The following LRRC20 variants were observed in gnomAD, a reference collection of about 807,000 sequenced individuals.
LRRC20 encodes the protein leucine-rich repeat-containing protein 20.
A neutral mutation model predicts 14.4 loss-of-function variants in LRRC20; 11 were observed. The ratio of observed to expected loss-of-function variants is 0.77; its 90% confidence interval spans 0.48 to 1.27. The LOEUF is 1.27. Among genes scored for constraint, LRRC20 ranks in the 50% most tolerant of loss-of-function variants. The pLI, the probability that LRRC20 is intolerant of heterozygous loss-of-function variation, is 0.00. For synonymous variants in LRRC20, 121 were observed against 107.3 expected (o/e 1.13, Z -0.79); for missense variants, 219 against 251.2 (o/e 0.87, Z 0.87).
intron 1 of LRRC20, among the ~76,000 whole-genome samples, chr10:70,379,660 G>C (rs1844635832): frequency 6.6e-6 from 1 of 152,190 alleles, no homozygotes; most frequent in South Asian, 2.1e-4. Context: ...AGCAGAGAGG[G>C]AAAGGAAGGG....
intron 3 of LRRC20, among the ~76,000 whole-genome samples, chr10:70,327,903 G>A (rs1159039563): frequency 1.3e-5 from 2 of 152,154 alleles, no homozygotes; most frequent in African/African-American, 2.4e-5. Context: ...CTCCCTAAGA[G>A]AAGCAGGCCA....
intron 4 of LRRC20, among the ~76,000 whole-genome samples, chr10:70,303,373 C>G (rs1398156061): frequency 6.6e-6 from 1 of 152,098 alleles, no homozygotes; most frequent in Non-Finnish European, 1.5e-5. Context: ...TATCAGGACT[C>G]CTGATAATGT....
At chr10:70,381,130 C>A (rs1163911352) in intron 1 of LRRC20, among the ~76,000 whole-genome samples, 1 of 152,208 alleles carries the variant, frequency 6.6e-6, no homozygotes, top group African/African-American at 2.4e-5. Flanking sequence ...GCAGCCTAAT[C>A]CATAGTTTTG....
In LRRC20 at chr10:70,352,024, G is replaced by A. The variant is rs558141570; in HGVS notation, c.83-11322C>T. ...TCTCAAGTTAGTTATATTATAGGGT[G>A]TACTTAGTAAGCATATTTAGGTGAA... On this transcript the variant is annotated intron_variant, in intron 2 of 4. Coordinates refer to ENST00000446961, the MANE Select transcript of LRRC20 (RefSeq NM_001278212.2). Among the ~76,000 whole-genome samples, 7 of 152,266 alleles carry A rather than the reference G, an allele frequency of 4.6e-5. No homozygotes were observed. In the South Asian group the frequency reaches 1.2e-3, roughly 27 times the overall value.
At chr10:70,363,628 C>T (rs1207249516) in intron 2 of LRRC20, among the ~76,000 whole-genome samples, 1 of 152,186 alleles carries the variant, frequency 6.6e-6, no homozygotes, top group Non-Finnish European at 1.5e-5. Flanking sequence ...AAAGAATTAT[C>T]CAGCTCAAAA....
intron 3 of LRRC20, among the ~76,000 whole-genome samples, chr10:70,337,276 T>G (rs921648988): frequency 6.6e-6 from 1 of 152,206 alleles, no homozygotes; most frequent in Admixed American, 6.5e-5. Context: ...GCTTTTCTAT[T>G]TGAAAGAGAA....
At chr10:70,372,977 G>A (rs1312556687) in intron 2 of LRRC20, among the ~76,000 whole-genome samples, 1 of 151,928 alleles carries the variant, frequency 6.6e-6, no homozygotes, top group Non-Finnish European at 1.5e-5. Context: ...AGCCAGGCAT[G>A]GTGGCACACA....
At chr10:70,372,602 C>T (rs1297386007) in intron 2 of LRRC20, among the ~76,000 whole-genome samples, 5 of 151,976 alleles carry the variant, frequency 3.3e-5, no homozygotes, top group East Asian at 3.9e-4. Flanking sequence ...CCACCACGCC[C>T]GGCTAATTTT....
At chr10:70,302,043 GTGGCTCACGCCTGTAATCC>G (rs1318444041) in intron 4 of LRRC20, among the ~76,000 whole-genome samples, 1 of 152,198 alleles carries the variant, frequency 6.6e-6, no homozygotes, top group Non-Finnish European at 1.5e-5. Flanking sequence ...GCCAGTCGTG[GTGGCTCACGCCTGTAATCC>G]CAGCACTTTG....
chr10:70,344,023 A>T (rs2137032632), intron 2 of LRRC20, among the ~76,000 whole-genome samples: 1 of 152,118 alleles, frequency 6.6e-6, no homozygotes, highest in East Asian at 1.9e-4. Flanking sequence ...ACATAGTGAG[A>T]CCCTGTCTCT....
At position 70,371,837 on chromosome 10, in the gene LRRC20, C is replaced by T. The variant is rs1401407598; in HGVS notation, c.82+4615G>A. ...GCCCACGTCTCTGGGGATGGAGAAGCCTGGAGTGGAGTGAGAAAGGCTGGG... is the reference window on the plus strand; with the variant it reads ...GCCCACGTCTCTGGGGATGGAGAAGTCTGGAGTGGAGTGAGAAAGGCTGGG... On this transcript the variant is annotated intron_variant, in intron 2 of 4. Transcript: ENST00000446961. Among the ~76,000 whole-genome samples, 3 of 151,020 alleles carry T rather than the reference C, an allele frequency of 2.0e-5. No individual in the cohort carries two copies. In the South Asian group the frequency reaches 6.3e-4, roughly 32 times the overall value.
chr10:70,363,179 G>T (rs1200100655), intron 2 of LRRC20, among the ~76,000 whole-genome samples: 1 of 149,518 alleles, frequency 6.7e-6, no homozygotes, highest in Non-Finnish European at 1.5e-5. Flanking sequence ...TCGAGAGGCT[G>T]AGTCAGGAGG....
chr10:70,330,792 T>C lies in LRRC20; in HGVS notation c.233-6762A>G, dbSNP rs540315065. On this transcript the variant is annotated intron_variant, in intron 3 of 4. Coordinates refer to ENST00000446961, the MANE Select transcript of LRRC20 (RefSeq NM_001278212.2). ...CTCTGAGTTGCTTCTGCTCCCACTG[T>C]GGTTTCCACTGCTCTACCCAAGCTG... Among the ~76,000 whole-genome samples, 71 of 152,310 alleles carry C rather than the reference T, an allele frequency of 4.7e-4. 1 individual carries two copies. The highest frequency in any genetic ancestry group is 1.3e-3 in the Admixed American group (20 of 15,298).
chr10:70,376,490 T>G lies in LRRC20; in HGVS notation c.44A>C (p.Lys15Thr), dbSNP rs1844512924. 6.2e-7 allele frequency: 1 copy of G among 1,613,974 alleles called. No homozygotes were observed. The highest frequency in any genetic ancestry group is 8.5e-7 in the Non-Finnish European group (1 of 1,180,036). Residue 15 changes from lysine to threonine, a missense_variant, in exon 2 of 5, where the codon AAG becomes ACG. Coordinates refer to ENST00000446961, the MANE Select transcript of LRRC20 (RefSeq NM_001278212.2). The stretch of plus-strand genomic sequence containing the variant: ...GCCGCTCTCCACCGTCTCGTTGACC[T>G]TCCTTGCTACTCTGGCCACGGCCTC... The part of the protein sequence containing the change: ...MGEAVARVAR[K>T]VNETVESGSD...
intron 2 of LRRC20, among the ~76,000 whole-genome samples, chr10:70,375,081 C>A (rs1844457151): frequency 6.6e-6 from 1 of 152,198 alleles, no homozygotes; most frequent in East Asian, 1.9e-4. Context: ...TGGTAGAGAG[C>A]CTTAAACAAC....
chr10:70,311,222 A>ATTTTT (rs11314061), intron 4 of LRRC20, among the ~76,000 whole-genome samples: 16 of 86,340 alleles, frequency 1.9e-4, no homozygotes, highest in East Asian at 4.0e-4. Flanking sequence ...TCAACATTCC[A>ATTTTT]TTTTTTTTTT....
chr10:70,374,397 T>G (rs1271948426), intron 2 of LRRC20, among the ~76,000 whole-genome samples: 2 of 149,646 alleles, frequency 1.3e-5, no homozygotes, highest in African/African-American at 2.5e-5. Context: ...TCACCCAAGC[T>G]GGAGGTGCAG....
intron 2 of LRRC20, among the ~76,000 whole-genome samples, chr10:70,348,755 C>G (rs1315031744): frequency 1.3e-5 from 2 of 152,220 alleles, no homozygotes; most frequent in Non-Finnish European, 2.9e-5. Flanking sequence ...TCCTGTAGGC[C>G]CTTCAAGTTC....
At chr10:70,348,960 C>T (rs993122121) in intron 2 of LRRC20, among the ~76,000 whole-genome samples, 8 of 152,336 alleles carry the variant, frequency 5.3e-5, no homozygotes, top group South Asian at 2.1e-4. Context: ...TAGGAACAGA[C>T]GGCACTGCTG....
Sources: allele counts gnomAD v4.1 joint callset (sites outside exome capture counted in the v4.1 genomes callset), GRCh38; gene constraint gnomAD v4.1.1; transcripts MANE v1.5; gene names NCBI Gene and HGNC (gene_info 2026-07-23, HGNC 2026-07-21).